The following PHF21B variants were observed in gnomAD, a reference collection of about 807,000 sequenced individuals.
PHF21B encodes PHD finger protein 4.
PHF21B carries 22 observed loss-of-function variants against 62.2 expected under a neutral mutation model. That is an observed-to-expected ratio of 0.35 (90% CI 0.25 to 0.51). The LOEUF (loss-of-function observed/expected upper bound fraction) is 0.51. PHF21B is among the 20% of genes least tolerant of loss of function. PHF21B has a pLI of 0.97. For synonymous variants in PHF21B, 341 were observed against 314.7 expected (o/e 1.08, Z -0.88); for missense variants, 701 against 707.9 (o/e 0.99, Z 0.11).
intron 2 of PHF21B, among the ~76,000 whole-genome samples, chr22:44,923,616 A>T (rs2071576863): frequency 6.6e-6 from 1 of 152,230 alleles, no homozygotes; most frequent in Admixed American, 6.5e-5. Flanking sequence ...CACCTATCTG[A>T]TGAAAGCCTT....
At chr22:44,935,221 T>A (rs2071821138) in intron 2 of PHF21B, among the ~76,000 whole-genome samples, 1 of 152,168 alleles carries the variant, frequency 6.6e-6, no homozygotes, top group Non-Finnish European at 1.5e-5. Context: ...CTAAGGGTTA[T>A]GAGACCCTGA....
At chr22:44,973,820 T>G (rs1175754849) in intron 2 of PHF21B, among the ~76,000 whole-genome samples, 2 of 152,200 alleles carry the variant, frequency 1.3e-5, no homozygotes, top group Admixed American at 1.3e-4. Flanking sequence ...TGCAACTAGC[T>G]GAACAAGACC....
At chr22:45,000,185 C>A (rs968856193) in intron 2 of PHF21B, among the ~76,000 whole-genome samples, 1 of 152,090 alleles carries the variant, frequency 6.6e-6, no homozygotes, top group African/African-American at 2.4e-5. Flanking sequence ...ACACGCCTCT[C>A]GGAGACAAAG....
chr22:44,891,272 C>T, intron 8 of PHF21B, 34 bp downstream of exon 8: 1 of 1,611,538 alleles, frequency 6.2e-7, no homozygotes, highest in Non-Finnish European at 8.5e-7. Flanking sequence ...CGGCCCTGAG[C>T]AGCTCTGGCA....
At chr22:44,886,259 G>A (rs1390200846) in intron 10 of PHF21B, among the ~76,000 whole-genome samples, 1 of 152,052 alleles carries the variant, frequency 6.6e-6, no homozygotes, top group Non-Finnish European at 1.5e-5. Flanking sequence ...AGCGACCCCA[G>A]GCACGCCAGG....
At chr22:44,941,331 G>A (rs129448) in intron 2 of PHF21B, among the ~76,000 whole-genome samples, 140,274 of 152,274 alleles carry the variant, frequency 0.92, 64,828 homozygotes, top group East Asian at 0.96. Flanking sequence ...CGGGGACTTC[G>A]GGGGCTGTGC....
intron 2 of PHF21B, among the ~76,000 whole-genome samples, chr22:44,947,965 G>A (rs141712651): frequency 2.4e-3 from 111 of 46,902 alleles, no homozygotes; most frequent in African/African-American, 9.7e-3. Context: ...AGCACAGGGC[G>A]CCAGAGCCTC....
chr22:44,954,309 G>A (rs544600331), intron 2 of PHF21B, among the ~76,000 whole-genome samples: 10 of 152,354 alleles, frequency 6.6e-5, no homozygotes, highest in African/African-American at 2.2e-4. Context: ...CCCTCTTTGG[G>A]GACCCAGCGC....
chr22:44,915,631 C>T (rs2071418328), intron 4 of PHF21B, among the ~76,000 whole-genome samples: 1 of 152,216 alleles, frequency 6.6e-6, no homozygotes, highest in African/African-American at 2.4e-5. Flanking sequence ...CGTCAACATC[C>T]AGGCTGGGGA....
rs74863295 is a variant in PHF21B, at chr22:44,921,265, G to A, written c.121-775C>T. ...TCCCAGGAATTCCAGGCCCACACGC[G>A]TACAGGAGATGTGTTGTGGGGTGCT... is the stretch of plus-strand genomic sequence containing the variant. On this transcript the variant is annotated intron_variant, in intron 2 of 12. Coordinates refer to ENST00000313237, the MANE Select transcript of PHF21B (RefSeq NM_138415.5). Among the ~76,000 whole-genome samples, 424 of 152,308 alleles carry A rather than the reference G, an allele frequency of 2.8e-3. 16 individuals carry two copies. In the East Asian group the frequency reaches 0.058, roughly 21 times the overall value.
chr22:44,915,389 C>T (rs1405664030), intron 4 of PHF21B, among the ~76,000 whole-genome samples: 1 of 152,250 alleles, frequency 6.6e-6, no homozygotes, highest in Admixed American at 6.5e-5. Flanking sequence ...AAATGACCAA[C>T]ATCAAATGCT....
chr22:44,973,654 A>G (rs1387620912), intron 2 of PHF21B, among the ~76,000 whole-genome samples: 1 of 151,884 alleles, frequency 6.6e-6, no homozygotes, highest in Non-Finnish European at 1.5e-5. Flanking sequence ...CTGGAGAAAA[A>G]TCCCACTGTG....
intron 2 of PHF21B, among the ~76,000 whole-genome samples, chr22:44,996,531 C>G (rs1835941519): frequency 6.6e-6 from 1 of 152,010 alleles, no homozygotes; most frequent in South Asian, 2.1e-4. Context: ...GGGCTGCTCC[C>G]TCTCAAACAC....
At chr22:44,894,196 C>T (rs2071017347) in intron 6 of PHF21B, among the ~76,000 whole-genome samples, 1 of 152,148 alleles carries the variant, frequency 6.6e-6, no homozygotes, top group African/African-American at 2.4e-5. Flanking sequence ...GGCACTCAGA[C>T]CTTCTGTGGA....
At chr22:44,933,034 C>T (rs2071772079) in intron 2 of PHF21B, among the ~76,000 whole-genome samples, 2 of 152,258 alleles carry the variant, frequency 1.3e-5, no homozygotes, top group African/African-American at 4.8e-5. Context: ...AGAGCAGGTC[C>T]TGTCCTCGGG....
At chr22:44,937,863 A>C (rs1288201789) in intron 2 of PHF21B, among the ~76,000 whole-genome samples, 1 of 152,266 alleles carries the variant, frequency 6.6e-6, no homozygotes, top group Non-Finnish European at 1.5e-5. Flanking sequence ...ATGAGGCTCA[A>C]GAAGCAGCAA....
rs938176808 is a variant in PHF21B, at chr22:44,887,855, C to G, written c.1197+108G>C. 3.8e-5 allele frequency: 46 copies of G among 1,205,432 alleles called. 1 individual carries two copies. In the South Asian group the frequency reaches 1.0e-3, roughly 26 times the overall value. The allele number at this position is 1,205,432 out of a possible 1,614,324, so 74.7% of individuals were successfully genotyped here. On this transcript the variant is annotated intron_variant, in intron 10 of 12. Coordinates refer to ENST00000313237, the MANE Select transcript of PHF21B (RefSeq NM_138415.5). ...GTCAATTGTGCTGAGGTTGAAAAAGCCTTCCTATACCCAAGCCCCTTTTTT... is the reference window on the plus strand; with the variant it reads ...GTCAATTGTGCTGAGGTTGAAAAAGGCTTCCTATACCCAAGCCCCTTTTTT...
intron 2 of PHF21B, among the ~76,000 whole-genome samples, chr22:44,978,078 G>A (rs1389821467): frequency 3.9e-5 from 6 of 152,196 alleles, no homozygotes; most frequent in Admixed American, 3.9e-4. Context: ...GCCACATTCT[G>A]TTGTATTTCA....
Position 44,881,492 on chromosome 22 carries a change from C to A in PHF21B, c.*1594G>T, listed in dbSNP as rs547358550. On this transcript the variant is annotated 3_prime_UTR_variant, in exon 13 of 13. Transcript: ENST00000313237. Reference sequence around the variant, plus strand: ...CAATATAGAAGACGTGTGCCTCACACGGTTCACTTTGTTCATCAATAAAAG... The same window carrying A: ...CAATATAGAAGACGTGTGCCTCACAAGGTTCACTTTGTTCATCAATAAAAG... The A allele has an allele frequency of 6.6e-6, 1 of 152,670 alleles. No homozygotes were observed. Among genetic ancestry groups the A allele is most frequent in the Non-Finnish European group, 1.5e-5 (1 of 68,038 alleles). The allele number at this position is 152,670 out of a possible 1,614,324, so 9.5% of individuals were successfully genotyped here. A position where few individuals can be genotyped will look rare whatever the true frequency, so the allele number is the denominator to read the frequency against.
Sources: allele counts gnomAD v4.1 joint callset (sites outside exome capture counted in the v4.1 genomes callset), GRCh38; gene constraint gnomAD v4.1.1; transcripts MANE v1.5; gene names NCBI Gene and HGNC (gene_info 2026-07-23, HGNC 2026-07-21).